Variants in PFKFB2 observed in about 807,000 individuals in gnomAD.
The protein encoded by PFKFB2 is 6-phosphofructo-2-kinase/fructose-2,6-bisphosphatase 2.
Under a neutral mutation model 68.0 loss-of-function variants are expected in PFKFB2, and 53 were observed. The ratio of observed to expected loss-of-function variants is 0.78; its 90% CI spans 0.63 to 0.98. The LOEUF (loss-of-function observed/expected upper bound fraction) is 0.98. Among genes scored for constraint, PFKFB2 ranks in the 50% least tolerant of loss-of-function variants. The probability of loss-of-function intolerance (pLI) is 0.00; values close to 1 mark genes in which losing one functional copy is unlikely to be tolerated. For synonymous variants in PFKFB2, 222 were observed against 227.6 expected, an observed-to-expected ratio of 0.98 and a Z score of 0.22; for missense variants, 451 against 642.0, an observed-to-expected ratio of 0.70 and a Z score of 3.22.
At chr1:207,041,410 A>G (rs189908523) in intron 1 of PFKFB2, among the ~76,000 whole-genome samples, 177 of 151,732 alleles carry the variant, frequency 1.2e-3, no homozygotes, top group African/African-American at 4.1e-3. Flanking sequence ...ACAGGCCCCA[A>G]TGTGTGATGT....
upstream of PFKFB2, chr1:207,051,094 T>C: frequency 7.0e-7 from 1 of 1,437,994 alleles, no homozygotes; most frequent in South Asian, 1.5e-5. Context: ...CCTTAGTACC[T>C]TAGCAAGCGC....
At position 207,063,385 on chromosome 1, in the gene PFKFB2, C is replaced by T. The variant is rs747984866; in HGVS notation, c.414C>T (p.Asp138=). The T allele has an allele frequency of 1.8e-5, 29 of 1,613,590 alleles. No individual in the cohort carries two copies. Among genetic ancestry groups the T allele is most frequent in the Admixed American group, 6.7e-5 (4 of 59,984 alleles). Residue 138 remains aspartate, a synonymous_variant, in exon 6 of 15, where the codon GAC becomes GAT. Coordinates refer to ENST00000367080, the MANE Select transcript of PFKFB2 (RefSeq NM_006212.2). The surrounding 1 kb of genome is among the most constrained non-coding windows in gnomAD (Gnocchi z 4.1). ...DATNTTRERR[D]MILNFAEQNS... The stretch of plus-strand genomic sequence containing the variant: ...CCAATACAACCCGGGAGAGGAGGGA[C>T]ATGATTTTGAACTTTGCTGAACAGA...
chr1:207,062,868 G>T, intron 4 of PFKFB2, 152 bp downstream of exon 4: 2 of 790,714 alleles, frequency 2.5e-6, no homozygotes, highest in Admixed American at 2.5e-5. Context: ...GGCTTGGGTG[G>T]TCAGAAGAAC....
Position 207,072,879 on chromosome 1 carries a change from G to A in PFKFB2, c.*508G>A. 1.5e-5 allele frequency: 15 copies of A among 989,242 alleles called. No homozygotes were observed. Among genetic ancestry groups the A allele is most frequent in the Non-Finnish European group, 1.8e-5 (15 of 832,580 alleles). 61.3% of individuals were successfully genotyped at this position (989,242 alleles called of 1,614,324 possible). A position where few individuals can be genotyped will look rare whatever the true frequency, so the allele number is the denominator to read the frequency against. On this transcript the variant is annotated 3_prime_UTR_variant, in exon 15 of 15. Coordinates refer to ENST00000367080, the MANE Select transcript of PFKFB2 (RefSeq NM_006212.2). ...CTTCCCCCACTTTCATGTCCCCTCT[G>A]GATTGTCCAGTGTAATGCATGGCAT...
At position 207,063,496 on chromosome 1, in the gene PFKFB2, A is replaced by C; in HGVS notation, c.450+75A>C. The C allele has an allele frequency of 2.0e-6, 2 of 982,526 alleles. No homozygotes were observed. Among genetic ancestry groups the C allele is most frequent in the Non-Finnish European group, 3.2e-6 (2 of 620,288 alleles). 60.9% of individuals were successfully genotyped at this position (982,526 alleles called of 1,614,324 possible). A position where few individuals can be genotyped will look rare whatever the true frequency, so the allele number is the denominator to read the frequency against. On this transcript the variant is annotated intron_variant, in intron 6 of 14. Transcript: ENST00000367080. The surrounding 1 kb of genome is among the most constrained non-coding windows in gnomAD (Gnocchi z 4.1). Reference sequence around the variant, plus strand: ...GTCAGGCTACAGGCATGGATCTCTCACTCTAGTGGGTGAGGACAGGATGGG... The same window carrying C: ...GTCAGGCTACAGGCATGGATCTCTCCCTCTAGTGGGTGAGGACAGGATGGG...
At chr1:207,051,036 G>T, upstream of PFKFB2, 1 of 1,497,366 alleles carries the variant, frequency 6.7e-7, no homozygotes, top group Non-Finnish European at 8.9e-7. Context: ...AACATCGCGA[G>T]AAGTTGCGGG....
At chr1:207,047,366 T>C (rs968876751) in intron 2 of PFKFB2, 8 of 152,670 alleles carry the variant, frequency 5.2e-5, no homozygotes, top group South Asian at 4.1e-4. Flanking sequence ...TTTTCTCTTA[T>C]ATTGTTCAAA....
chr1:207,068,125 T>TGTGTG (rs773336423), intron 9 of PFKFB2, 38 bp from the exon 10 acceptor site: 7 of 1,573,714 alleles, frequency 4.4e-6, no homozygotes, highest in African/African-American at 2.7e-5. Context: ...TGTCTGTGTG[T>TGTGTG]TTTCTTTTTA....
intron 2 of PFKFB2, 114 bp downstream of exon 2, chr1:207,054,916 G>A: frequency 1.4e-6 from 1 of 722,584 alleles, no homozygotes; most frequent in Non-Finnish European, 2.3e-6. Flanking sequence ...ATTTGACATG[G>A]AAATTTAATG....
chr1:207,050,301 GAAAA>G (rs926498163), upstream of PFKFB2, among the ~76,000 whole-genome samples: 1 of 148,278 alleles, frequency 6.7e-6, no homozygotes, highest in Non-Finnish European at 1.5e-5. Context: ...AATGAATCAA[GAAAA>G]AAAAAATCCT....
upstream of PFKFB2, chr1:207,050,916 C>T (rs770180166): frequency 4.4e-6 from 7 of 1,598,926 alleles, no homozygotes; most frequent in Admixed American, 6.9e-5. Flanking sequence ...CGGCTGCCCA[C>T]AGGCCAGGCA....
intron 7 of PFKFB2, among the ~76,000 whole-genome samples, chr1:207,064,470 A>G (rs1202087593): frequency 1.3e-5 from 2 of 152,090 alleles, no homozygotes; most frequent in Non-Finnish European, 2.9e-5. Flanking sequence ...CAGGAAGGTT[A>G]TCTCCCCAGC....
upstream of PFKFB2, among the ~76,000 whole-genome samples, chr1:207,051,715 A>G (rs1682756266): frequency 2.0e-5 from 3 of 152,256 alleles, no homozygotes; most frequent in African/African-American, 2.4e-5. Flanking sequence ...CTTCATTGTA[A>G]CAAGTATTCA....
At chr1:207,054,374 T>G (rs1446780701) in intron 1 of PFKFB2, among the ~76,000 whole-genome samples, 1 of 152,184 alleles carries the variant, frequency 6.6e-6, no homozygotes, top group Non-Finnish European at 1.5e-5. Flanking sequence ...TCGATGAATC[T>G]CAAATTTTCA....
At chr1:207,043,804 C>T (rs1056985307) in intron 2 of PFKFB2, 4 of 152,514 alleles carry the variant, frequency 2.6e-5, no homozygotes, top group Admixed American at 1.3e-4. Flanking sequence ...GTAAAATAGC[C>T]GTTCAGTGGC....
At chr1:207,046,561 A>G (rs542003927) in intron 2 of PFKFB2, 2 of 152,230 alleles carry the variant, frequency 1.3e-5, no homozygotes, top group East Asian at 3.9e-4. Context: ...GCTAAATTTC[A>G]GCAGACTAAA....
chr1:207,049,852 G>C (rs536099898), upstream of PFKFB2: 1 of 797,246 alleles, frequency 1.3e-6, no homozygotes, highest in South Asian at 2.0e-5. Flanking sequence ...GGAGAATACA[G>C]TTTTGCAAGT....
At chr1:207,062,817 GGGAAGTTAAAT>G in intron 4 of PFKFB2, 101 bp downstream of exon 4, 1 of 1,197,942 alleles carries the variant, frequency 8.3e-7, no homozygotes, top group Non-Finnish European at 1.2e-6. Context: ...ATATCTTAAG[GGGAAGTTAAAT>G]GGAAGTTATC....
chr1:207,071,114 A>T (rs1683453006), intron 12 of PFKFB2, 74 bp from the exon 13 acceptor site: 2 of 1,183,246 alleles, frequency 1.7e-6, no homozygotes, highest in South Asian at 2.5e-5. Flanking sequence ...AGCTCTGTAG[A>T]TTCTTTCTTC....
Sources: allele counts gnomAD v4.1 joint callset (sites outside exome capture counted in the v4.1 genomes callset), GRCh38; gene constraint gnomAD v4.1.1; non-coding constraint Gnocchi (gnomAD v3.1); transcripts MANE v1.5; gene names NCBI Gene and HGNC (gene_info 2026-07-23, HGNC 2026-07-21).